PATJ: variants seen among roughly 807,000 people sequenced by gnomAD.
The protein encoded by PATJ is PATJ crumbs cell polarity complex component.
In PATJ, 190 loss-of-function variants were observed where a neutral mutation model predicts 224.9. The ratio of observed to expected loss-of-function variants is 0.84; its 90% confidence interval spans 0.75 to 0.95. The LOEUF is 0.95. Among genes scored for constraint, PATJ ranks in the 40% least tolerant of loss-of-function variants. The pLI is 0.00. For synonymous variants in PATJ, 769 were observed against 820.3 expected, an observed-to-expected ratio of 0.94 and a Z score of 1.07; for missense variants, 2,121 against 2,270.3, an observed-to-expected ratio of 0.93 and a Z score of 1.34.
intron 41 of PATJ, among the ~76,000 whole-genome samples, chr1:62,131,267 G>C (rs1413667094): frequency 6.6e-6 from 1 of 152,132 alleles, no homozygotes; most frequent in African/African-American, 2.4e-5. Flanking sequence ...ATGGGTGGCT[G>C]TGCTTGCTCA....
chr1:61,956,933 C>G (rs1680521721), intron 27 of PATJ, among the ~76,000 whole-genome samples: 1 of 152,178 alleles, frequency 6.6e-6, no homozygotes, highest in African/African-American at 2.4e-5. Context: ...CAAAAACTAG[C>G]TTTCCATTCT....
rs1256369496 is a variant in PATJ, at chr1:61,814,555, C to CGT, written c.1683+6026_1683+6027insTG. ...GTGTGTGTGTGTGTGTGTGCGCGCG[C>CGT]GCGCGCATGTATGTGGGATAGAAGG... On this transcript the variant is annotated intron_variant, in intron 14 of 43. Coordinates refer to ENST00000642238, the MANE Select transcript of PATJ (RefSeq NM_001350145.3). 1.1e-4 allele frequency among the ~76,000 whole-genome samples: 15 copies of CGT among 137,426 alleles called. No homozygotes were observed. In the East Asian group the frequency reaches 2.7e-3, roughly 25 times the overall value. 90.2% of individuals were successfully genotyped at this position (137,426 alleles called of 152,430 possible). A position where few individuals can be genotyped will look rare whatever the true frequency, so the allele number is the denominator to read the frequency against.
At chr1:61,822,352 G>A (rs1258323854) in intron 14 of PATJ, among the ~76,000 whole-genome samples, 2 of 151,298 alleles carry the variant, frequency 1.3e-5, no homozygotes, top group Non-Finnish European at 2.9e-5. Flanking sequence ...AACCCGGGAG[G>A]TGAAGGTTAC....
At chr1:61,983,878 G>T (rs1012026790) in intron 27 of PATJ, among the ~76,000 whole-genome samples, 4 of 151,968 alleles carry the variant, frequency 2.6e-5, no homozygotes, top group African/African-American at 9.7e-5. Flanking sequence ...AGGCTGGAGT[G>T]CAGTGGCGTG....
chr1:62,004,089 C>A (rs1229810862), intron 28 of PATJ, among the ~76,000 whole-genome samples: 1 of 152,170 alleles, frequency 6.6e-6, no homozygotes, highest in Non-Finnish European at 1.5e-5. Flanking sequence ...CTACCCAACT[C>A]CAAGATGAGA....
intron 38 of PATJ, 53 bp downstream of exon 38, chr1:62,121,348 A>C: frequency 8.9e-7 from 1 of 1,127,998 alleles, no homozygotes; most frequent in East Asian, 2.4e-5. Flanking sequence ...AAATTAAAAA[A>C]AAAAAATGTG....
intron 7 of PATJ, among the ~76,000 whole-genome samples, chr1:61,786,695 T>A (rs1648606240): frequency 6.6e-6 from 1 of 152,062 alleles, no homozygotes; most frequent in Admixed American, 6.6e-5. Context: ...TGACAGTTTA[T>A]TAAAAATATA....
chr1:62,029,338 T>C (rs1403851590), intron 29 of PATJ, among the ~76,000 whole-genome samples: 2 of 152,212 alleles, frequency 1.3e-5, no homozygotes, highest in Non-Finnish European at 2.9e-5. Flanking sequence ...TCATCATTCA[T>C]AAATTGTCAT....
intron 31 of PATJ, among the ~76,000 whole-genome samples, chr1:62,070,948 T>G (rs905935798): frequency 5.3e-5 from 8 of 152,150 alleles, no homozygotes; most frequent in Non-Finnish European, 1.5e-5. Flanking sequence ...AATGAACAGC[T>G]GGGCATAACT....
intron 17 of PATJ, among the ~76,000 whole-genome samples, chr1:61,846,511 A>C (rs570958904): frequency 3.3e-5 from 5 of 152,226 alleles, no homozygotes; most frequent in Non-Finnish European, 5.9e-5. Flanking sequence ...TAAAAATTGT[A>C]AGGTACACTT....
chr1:62,100,457 G>T lies in PATJ; in HGVS notation c.4378-7980G>T. 4.2e-6 allele frequency: 3 copies of T among 713,694 alleles called. No individual in the cohort carries two copies. In the South Asian group the frequency reaches 4.5e-5, roughly 11 times the overall value. 44.2% of individuals were successfully genotyped at this position (713,694 alleles called of 1,614,324 possible). A position where few individuals can be genotyped will look rare whatever the true frequency, so the allele number is the denominator to read the frequency against. On this transcript the variant is annotated intron_variant, in intron 33 of 43. Transcript: ENST00000642238. ...AGGGGGGCTGAACTCTTTTTATTAG[G>T]AACTCACTCCCAAGATAGCAGCATT...
chr1:61,755,751 T>C (rs1645600614), intron 1 of PATJ, among the ~76,000 whole-genome samples: 1 of 152,192 alleles, frequency 6.6e-6, no homozygotes. Context: ...TTTTGTAAAA[T>C]ACGTTATTAG....
chr1:61,810,327 G>A (rs935805878), intron 14 of PATJ, among the ~76,000 whole-genome samples: 1 of 152,092 alleles, frequency 6.6e-6, no homozygotes, highest in African/African-American at 2.4e-5. Flanking sequence ...TATTTACAAA[G>A]TCAGATTAGA....
In PATJ at chr1:61,908,444, G is replaced by A; in HGVS notation, c.3454G>A (p.Val1152Met). The A allele has an allele frequency of 1.9e-6, 3 of 1,613,926 alleles. No individual in the cohort carries two copies. The change falls in exon 25 of 44, where the codon GTG becomes ATG. Residue 1152 changes from valine to methionine, a missense_variant. Transcript: ENST00000642238. ...VEAIKNAGNP[V>M]VFIVQSLSST... ...GGCCATTAAGAATGCAGGAAACCCT[G>A]TGGTGTTCATTGTTCAGAGTTTGTC... is the stretch of plus-strand genomic sequence containing the variant.
chr1:62,121,785 A>AAAGG (rs1178998210), intron 38 of PATJ, among the ~76,000 whole-genome samples: 7 of 8,794 alleles, frequency 8.0e-4, no homozygotes, highest in Non-Finnish European at 1.3e-3. Context: ...AGAAAAAAAA[A>AAAGG]AAGAAATTCC....
intron 27 of PATJ, among the ~76,000 whole-genome samples, chr1:61,960,592 G>A (rs538121334): frequency 6.6e-5 from 10 of 151,968 alleles, no homozygotes; most frequent in Admixed American, 2.0e-4. Flanking sequence ...TGAACCAGGA[G>A]GCAGACGTTG....
At chr1:61,914,889 A>G (rs534164239) in intron 26 of PATJ, among the ~76,000 whole-genome samples, 2 of 152,336 alleles carry the variant, frequency 1.3e-5, no homozygotes, top group African/African-American at 4.8e-5. Context: ...CCAGTCAGCC[A>G]TCAACGTCTA....
intron 31 of PATJ, among the ~76,000 whole-genome samples, chr1:62,065,836 C>T (rs1006710850): frequency 7.9e-5 from 12 of 152,202 alleles, no homozygotes; most frequent in African/African-American, 2.9e-4. Context: ...AGAACTCAGA[C>T]TTTCTCACAC....
chr1:62,037,881 T>C lies in PATJ; in HGVS notation c.3960-96T>C. On this transcript the variant is annotated intron_variant, in intron 29 of 43. Transcript: ENST00000642238. ...ATATTTAATTCTATGATGCTGTGTGTGCATTTTCAACTGAGAACTGAGGAA... is the reference window on the plus strand; with the variant it reads ...ATATTTAATTCTATGATGCTGTGTGCGCATTTTCAACTGAGAACTGAGGAA... The C allele has an allele frequency of 7.3e-6, 4 of 545,652 alleles. No homozygotes were observed. The South Asian group carries it at 1.2e-4, about 16-fold the overall frequency. The allele number at this position is 545,652 out of a possible 1,614,324, so 33.8% of individuals were successfully genotyped here.
Sources: allele counts gnomAD v4.1 joint callset (sites outside exome capture counted in the v4.1 genomes callset), GRCh38; gene constraint gnomAD v4.1.1; transcripts MANE v1.5; gene names NCBI Gene and HGNC (gene_info 2026-07-23, HGNC 2026-07-21).